The following ATXN2 variants were observed in gnomAD, a reference collection of about 807,000 sequenced individuals.
ATXN2 encodes ataxin-2.
ATXN2 carries 37 observed loss-of-function variants against 138.6 expected under a neutral mutation model. That is an observed-to-expected ratio of 0.27 (90% CI 0.21 to 0.35). The LOEUF (loss-of-function observed/expected upper bound fraction) is 0.35, where lower values mean the gene tolerates loss of function less well. ATXN2 is among the 10% of genes least tolerant of loss of function. The pLI is 1.00. For missense variants in ATXN2, 1,216 were observed against 1,480.3 expected, an observed-to-expected ratio of 0.82 and a Z score of 2.93; for synonymous variants, 549 against 543.7, an observed-to-expected ratio of 1.01 and a Z score of -0.13.
intron 18 of ATXN2, chr12:111,479,149 A>T (rs547748412): frequency 5.1e-6 from 2 of 392,400 alleles, no homozygotes; most frequent in African/African-American, 4.1e-5. Flanking sequence ...TGCTCACAGC[A>T]GCTTCATTCA....
intron 16 of ATXN2, 104 bp downstream of exon 16, chr12:111,486,657 G>T: frequency 1.1e-6 from 1 of 917,598 alleles, no homozygotes; most frequent in Non-Finnish European, 1.7e-6. Flanking sequence ...GGTTGGTTCA[G>T]CACACTAAAA....
intron 1 of ATXN2, among the ~76,000 whole-genome samples, chr12:111,571,613 G>A (rs1883318361): frequency 6.6e-6 from 1 of 152,142 alleles, no homozygotes; most frequent in African/African-American, 2.4e-5. Flanking sequence ...TATTTTTGAA[G>A]AGTTAATGGG....
chr12:111,478,487 C>CATG (rs1490617755), intron 18 of ATXN2, among the ~76,000 whole-genome samples: 2 of 152,166 alleles, frequency 1.3e-5, no homozygotes, highest in Admixed American at 1.3e-4. Context: ...CAAACACACA[C>CATG]ATGATGAGGT....
chr12:111,466,434 G>A (rs1248856986), intron 20 of ATXN2, among the ~76,000 whole-genome samples: 1 of 152,054 alleles, frequency 6.6e-6, no homozygotes, highest in African/African-American at 2.4e-5. Context: ...GCAGGAGGCG[G>A]AGCGTGCAGT....
At chr12:111,492,917 C>A (rs1281025781) in intron 14 of ATXN2, among the ~76,000 whole-genome samples, 1 of 151,978 alleles carries the variant, frequency 6.6e-6, no homozygotes, top group East Asian at 1.9e-4. Context: ...TGAGAAAGTT[C>A]AACGAAATCC....
chr12:111,457,751 G>A (rs1303167736), intron 21 of ATXN2: 1 of 173,332 alleles, frequency 5.8e-6, no homozygotes, highest in Admixed American at 5.6e-5. Flanking sequence ...CTGCCCTGGA[G>A]CAATGTCCTG....
At chr12:111,491,022 C>A (rs1342004601) in intron 14 of ATXN2, among the ~76,000 whole-genome samples, 1 of 151,990 alleles carries the variant, frequency 6.6e-6, no homozygotes, top group East Asian at 1.9e-4. Flanking sequence ...GAGGCCGAGG[C>A]GGACGGATAA....
chr12:111,477,638 A>G (rs535921949), intron 18 of ATXN2, among the ~76,000 whole-genome samples: 2 of 152,346 alleles, frequency 1.3e-5, no homozygotes, highest in Non-Finnish European at 1.5e-5. Flanking sequence ...AAAACCGCAG[A>G]CTGGGAGAAA....
intron 1 of ATXN2, among the ~76,000 whole-genome samples, chr12:111,582,349 G>GGTA (rs1162222460): frequency 6.7e-4 from 5 of 7,412 alleles, no homozygotes; most frequent in African/African-American, 6.6e-3. Context: ...AGGAGGCTGA[G>GGTA]GCAGAACTGC....
intron 1 of ATXN2, chr12:111,564,978 C>G (rs1296820864): frequency 6.6e-6 from 1 of 152,210 alleles, no homozygotes; most frequent in Admixed American, 6.6e-5. Flanking sequence ...CTACCTCAGC[C>G]TCCCAAAGTG....
intron 1 of ATXN2, among the ~76,000 whole-genome samples, chr12:111,584,785 G>A (rs941601228): frequency 1.3e-5 from 2 of 151,778 alleles, no homozygotes; most frequent in African/African-American, 4.8e-5. Context: ...GACCAACATG[G>A]AGAAACCCCA....
At chr12:111,545,707 C>T (rs1881766464) in intron 5 of ATXN2, among the ~76,000 whole-genome samples, 1 of 151,818 alleles carries the variant, frequency 6.6e-6, no homozygotes, top group African/African-American at 2.4e-5. Flanking sequence ...TCATGTAATC[C>T]CAGGACTTTG....
chr12:111,571,065 T>A (rs1322854758), intron 1 of ATXN2, among the ~76,000 whole-genome samples: 4 of 152,234 alleles, frequency 2.6e-5, no homozygotes, highest in African/African-American at 9.6e-5. Context: ...ATTCATTTAA[T>A]CCTCTTCCAT....
chr12:111,501,768 A>G (rs777035639), intron 14 of ATXN2, among the ~76,000 whole-genome samples: 17 of 152,216 alleles, frequency 1.1e-4, no homozygotes, highest in Non-Finnish European at 1.6e-4. Flanking sequence ...CCAACTATAT[A>G]TATTGCCAAG....
chr12:111,566,907 G>T (rs555878380), intron 1 of ATXN2, among the ~76,000 whole-genome samples: 1 of 152,166 alleles, frequency 6.6e-6, no homozygotes, highest in South Asian at 2.1e-4. Context: ...CAAAGTACTG[G>T]GATTACAGGC....
At position 111,569,536 on chromosome 12, in the gene ATXN2, C is replaced by T. The variant is rs536822790; in HGVS notation, c.252-13617G>A. 2.1e-4 allele frequency among the ~76,000 whole-genome samples: 32 copies of T among 152,176 alleles called. No homozygotes were observed. In the South Asian group the frequency reaches 6.2e-3, roughly 30 times the overall value. ...TTTGAGACCAGCCTGGACAACATGG[C>T]GAAATCTCGTCTCTACAGAAAGTTT... On this transcript the variant is annotated intron_variant, in intron 1 of 24. Transcript: ENST00000673436.
intron 5 of ATXN2, among the ~76,000 whole-genome samples, chr12:111,533,388 A>G (rs1447894752): frequency 1.3e-5 from 2 of 152,188 alleles, no homozygotes; most frequent in Non-Finnish European, 2.9e-5. Flanking sequence ...TTAAACCTCT[A>G]GGTTACCTAT....
upstream of ATXN2, chr12:111,599,373 C>T: frequency 8.6e-7 from 1 of 1,161,882 alleles, no homozygotes; most frequent in South Asian, 4.2e-5. Flanking sequence ...GGATACGGTC[C>T]CGGGGCCGCG....
intron 2 of ATXN2, among the ~76,000 whole-genome samples, chr12:111,555,236 GTTTTTCACTT>G (rs1882327754): frequency 6.6e-6 from 1 of 151,600 alleles, no homozygotes; most frequent in South Asian, 2.1e-4. Context: ...TCTTTTGGAG[GTTTTTCACTT>G]AGATTTGCAC....
Sources: allele counts gnomAD v4.1 joint callset (sites outside exome capture counted in the v4.1 genomes callset), GRCh38; gene constraint gnomAD v4.1.1; transcripts MANE v1.5; gene names NCBI Gene and HGNC (gene_info 2026-07-23, HGNC 2026-07-21).